The following DOCK8 variants were observed in gnomAD, a reference collection of about 807,000 sequenced individuals.
The protein encoded by DOCK8 is dedicator of cytokinesis protein 8.
In DOCK8, 141 loss-of-function variants were observed where a neutral mutation model predicts 245.6. That is an observed-to-expected ratio of 0.57 (90% CI 0.50 to 0.66). DOCK8 has a LOEUF of 0.66. Among genes scored for constraint, DOCK8 ranks in the 30% least tolerant of loss-of-function variants. The probability of loss-of-function intolerance (pLI) is 0.00; values close to 1 mark genes in which losing one functional copy is unlikely to be tolerated. For missense variants in DOCK8, 2,965 were observed against 2,603.4 expected (o/e 1.14, Z -3.02); for synonymous variants, 1,168 against 970.2 (o/e 1.20, Z -3.79).
intron 28 of DOCK8, among the ~76,000 whole-genome samples, chr9:407,662 C>T (rs932009856): frequency 4.6e-5 from 7 of 152,146 alleles, no homozygotes; most frequent in Admixed American, 2.6e-4. Context: ...CTTTCCTTCT[C>T]TCCCTATGCT....
At chr9:459,588 G>A (rs1361489487) in intron 46 of DOCK8, 1 of 152,232 alleles carries the variant, frequency 6.6e-6, no homozygotes, top group Non-Finnish European at 1.5e-5. Context: ...GATGGCTGGG[G>A]CCCTAGCGAG....
intron 24 of DOCK8, among the ~76,000 whole-genome samples, chr9:393,165 C>G (rs1691951732): frequency 7.0e-6 from 1 of 143,098 alleles, no homozygotes; most frequent in African/African-American, 2.6e-5. Flanking sequence ...ATGGATAATT[C>G]ATACAAATAA....
At chr9:251,845 G>A (rs1036853133) in intron 1 of DOCK8, among the ~76,000 whole-genome samples, 1 of 152,042 alleles carries the variant, frequency 6.6e-6, no homozygotes, top group African/African-American at 2.4e-5. Flanking sequence ...CAGGTTATAA[G>A]GATTAAAGAT....
intron 25 of DOCK8, 54 bp from the exon 26 acceptor site, chr9:399,092 A>C (rs941065609): frequency 5.9e-6 from 9 of 1,529,168 alleles, no homozygotes; most frequent in Non-Finnish European, 8.1e-6. Context: ...GTGACCTGGA[A>C]GTTCAAATCC....
intron 1 of DOCK8, among the ~76,000 whole-genome samples, chr9:269,658 C>G (rs1158683383): frequency 1.3e-5 from 2 of 150,372 alleles, no homozygotes; most frequent in East Asian, 3.9e-4. Flanking sequence ...CGGGTTCAAG[C>G]AATTGTCATG....
intron 2 of DOCK8, among the ~76,000 whole-genome samples, chr9:274,274 A>G (rs1430848817): frequency 6.6e-6 from 1 of 152,096 alleles, no homozygotes; most frequent in Non-Finnish European, 1.5e-5. Flanking sequence ...CAAGAATCAC[A>G]TGTTCCTACC....
At chr9:432,928 A>G (rs547585410) in intron 37 of DOCK8, among the ~76,000 whole-genome samples, 1 of 152,354 alleles carries the variant, frequency 6.6e-6, no homozygotes, top group Non-Finnish European at 1.5e-5. Flanking sequence ...GTGGAACTCT[A>G]GCCTGTCCCA....
chr9:289,672 G>C, intron 4 of DOCK8, 91 bp downstream of exon 4: 1 of 1,214,642 alleles, frequency 8.2e-7, no homozygotes, highest in Non-Finnish European at 1.2e-6. Flanking sequence ...ACAGTTCTAG[G>C]TTTACAGAAA....
intron 1 of DOCK8, among the ~76,000 whole-genome samples, chr9:216,557 C>CAAAAAAAAAAAAAAAAAAAAAA: frequency 1.1e-5 from 1 of 95,134 alleles, no homozygotes; most frequent in South Asian, 3.2e-4. Flanking sequence ...AAAAAAAAAG[C>CAAAAAAAAAAAAAAAAAAAAAA]AAAAACAAGG....
At chr9:429,593 AC>A in intron 35 of DOCK8, 108 bp from the exon 36 acceptor site, 1 of 1,335,504 alleles carries the variant, frequency 7.5e-7, no homozygotes, top group Non-Finnish European at 1.1e-6. Flanking sequence ...TAATGCATTA[AC>A]TCTTCTAGGC....
At chr9:437,710 A>G (rs1375427649) in intron 39 of DOCK8, among the ~76,000 whole-genome samples, 2 of 152,266 alleles carry the variant, frequency 1.3e-5, no homozygotes, top group South Asian at 2.1e-4. Context: ...AGATAAATAA[A>G]TATGTGCAAG....
chr9:421,984 C>A (rs2131647885), intron 32 of DOCK8, 64 bp from the exon 33 acceptor site: 1 of 1,401,390 alleles, frequency 7.1e-7, no homozygotes. Flanking sequence ...TTGTTATGAA[C>A]TTCTGGTTAT....
chr9:443,101 G>A (rs1284168949), intron 42 of DOCK8, among the ~76,000 whole-genome samples: 3 of 152,206 alleles, frequency 2.0e-5, no homozygotes, highest in South Asian at 2.1e-4. Context: ...AATATGGGAA[G>A]GCTGGTGACT....
At chr9:343,614 T>C (rs1398428047) in intron 14 of DOCK8, among the ~76,000 whole-genome samples, 2 of 152,254 alleles carry the variant, frequency 1.3e-5, no homozygotes, top group African/African-American at 4.8e-5. Context: ...TAATCCTTCC[T>C]GGAGCAGCTC....
chr9:328,744 C>A (rs1201806765), intron 9 of DOCK8, among the ~76,000 whole-genome samples: 2 of 151,376 alleles, frequency 1.3e-5, no homozygotes, highest in African/African-American at 4.9e-5. Context: ...TTTCTTCTTA[C>A]CATGTCACAG....
chr9:428,890 G>C (rs1007133933), intron 35 of DOCK8, among the ~76,000 whole-genome samples: 3 of 152,202 alleles, frequency 2.0e-5, no homozygotes, highest in African/African-American at 4.8e-5. Flanking sequence ...ATGCCAGGAA[G>C]GTCAGAAATG....
chr9:248,571 TTCTC>T (rs988352684), intron 1 of DOCK8, among the ~76,000 whole-genome samples: 1 of 99,950 alleles, frequency 1.0e-5, no homozygotes, highest in African/African-American at 3.8e-5. Context: ...CTTTCTTTCT[TTCTC>T]TCTCTCTGTC....
At position 396,188 on chromosome 9, in the gene DOCK8, C is replaced by G. The variant is rs544054654; in HGVS notation, c.2971-597C>G. On this transcript the variant is annotated intron_variant, in intron 24 of 47. Coordinates refer to ENST00000432829, the MANE Select transcript of DOCK8 (RefSeq NM_203447.4). Reference sequence around the variant, plus strand: ...TTCTAAATAGTGGTTCTGTTTCCAGCTGGCCAACATTTCCTGCTCAATATA... The same window carrying G: ...TTCTAAATAGTGGTTCTGTTTCCAGGTGGCCAACATTTCCTGCTCAATATA... Among the ~76,000 whole-genome samples, 12 of 152,236 alleles carry G rather than the reference C, an allele frequency of 7.9e-5. No homozygotes were observed. The South Asian group carries it at 2.5e-3, about 32-fold the overall frequency.
chr9:441,472 C>G, intron 41 of DOCK8, 55 bp downstream of exon 41: 1 of 1,612,382 alleles, frequency 6.2e-7, no homozygotes, highest in Non-Finnish European at 8.5e-7. Flanking sequence ...GCGACCCTGT[C>G]CTACAGATGC....
Sources: allele counts gnomAD v4.1 joint callset (sites outside exome capture counted in the v4.1 genomes callset), GRCh38; gene constraint gnomAD v4.1.1; transcripts MANE v1.5; gene names NCBI Gene and HGNC (gene_info 2026-07-23, HGNC 2026-07-21).